The following ZNF536 variants were observed in gnomAD, a reference collection of about 807,000 sequenced individuals.
ZNF536 encodes the protein zinc finger protein 536.
A neutral mutation model predicts 84.5 loss-of-function variants in ZNF536; 13 were observed. The observed-to-expected ratio is 0.15, with a 90% CI of 0.10 to 0.24. The LOEUF (loss-of-function observed/expected upper bound fraction) is 0.24. ZNF536 is among the 10% of genes least tolerant of loss of function. The probability of loss-of-function intolerance (pLI) is 1.00; values close to 1 mark genes in which losing one functional copy is unlikely to be tolerated. For synonymous variants in ZNF536, 811 were observed against 742.5 expected, an observed-to-expected ratio of 1.09 and a Z score of -1.50; for missense variants, 1,536 against 1,747.5, an observed-to-expected ratio of 0.88 and a Z score of 2.16.
intron 1 of ZNF536, among the ~76,000 whole-genome samples, chr19:30,635,540 C>G (rs2049036059): frequency 6.6e-6 from 1 of 152,164 alleles, no homozygotes; most frequent in East Asian, 1.9e-4. Flanking sequence ...CCCAGGCACT[C>G]TGGCCAGGAG....
chr19:30,322,555 C>T (rs1266569563), intron 2 of ZNF536, among the ~76,000 whole-genome samples: 1 of 152,182 alleles, frequency 6.6e-6, no homozygotes, highest in Non-Finnish European at 1.5e-5. Context: ...CCCTTTAAAT[C>T]CTGCCCCCCT....
chr19:30,227,599 C>G (rs2022685629), upstream of ZNF536, among the ~76,000 whole-genome samples: 1 of 152,032 alleles, frequency 6.6e-6, no homozygotes, highest in Non-Finnish European at 1.5e-5. Context: ...GGCTCGGGCA[C>G]CCGGTGCGTC....
At chr19:30,652,967 A>G (rs980313755) in intron 1 of ZNF536, among the ~76,000 whole-genome samples, 3 of 151,980 alleles carry the variant, frequency 2.0e-5, no homozygotes, top group Non-Finnish European at 4.4e-5. Flanking sequence ...TGCTGCATCC[A>G]CTCTCGATGC....
chr19:30,356,779 A>T (rs1322880321), intron 3 of ZNF536, among the ~76,000 whole-genome samples: 1 of 152,190 alleles, frequency 6.6e-6, no homozygotes, highest in Non-Finnish European at 1.5e-5. Flanking sequence ...ATCTCAATTA[A>T]TCCTCCCAAA....
chr19:30,587,362 A>T (rs980502099), intron 1 of ZNF536, among the ~76,000 whole-genome samples: 2 of 152,246 alleles, frequency 1.3e-5, no homozygotes, highest in Non-Finnish European at 2.9e-5. Context: ...AGTTAACAAC[A>T]AATGATAGAA....
intron 1 of ZNF536, among the ~76,000 whole-genome samples, chr19:30,689,566 G>A (rs997304332): frequency 6.6e-6 from 1 of 152,206 alleles, no homozygotes; most frequent in African/African-American, 2.4e-5. Flanking sequence ...CAATGTGATT[G>A]TCAGGAAATG....
At chr19:30,487,739 A>T (rs150129249) in intron 2 of ZNF536, among the ~76,000 whole-genome samples, 3 of 152,330 alleles carry the variant, frequency 2.0e-5, no homozygotes, top group African/African-American at 7.2e-5. Flanking sequence ...TAGCATAATG[A>T]TCACATTCCC....
At position 30,548,726 on chromosome 19, in the gene ZNF536, G is replaced by T. The variant is rs2146214651; in HGVS notation, c.3107G>T (p.Gly1036Val). Residue 1036 changes from glycine (G) to valine (V), a missense_variant, in exon 4 of 5, where the codon GGG (glycine) becomes GTG (valine). This residue lies in a region of ZNF536 where 624 missense variants were observed against 603.1 expected (regional missense o/e 1.03). Transcript: ENST00000355537. ...GKAKRKDNTIGVTVNCKDQAR... is the reference protein window; with the variant it reads ...GKAKRKDNTIVVTVNCKDQAR... ...GCGAAACGCAAAGATAACACCATCG[G>T]GGTCACAGTCAACTGCAAAGACCAA... 6.2e-7 allele frequency: 1 copy of T among 1,613,924 alleles called. No individual in the cohort carries two copies.
chr19:30,700,586 T>C (rs919850228), intron 1 of ZNF536, among the ~76,000 whole-genome samples: 5 of 152,010 alleles, frequency 3.3e-5, no homozygotes, highest in African/African-American at 1.2e-4. Context: ...GAGGGCTTAT[T>C]ATATTGTCCA....
intron 2 of ZNF536, among the ~76,000 whole-genome samples, chr19:30,519,019 A>C (rs1599667152): frequency 6.6e-6 from 1 of 152,328 alleles, no homozygotes; most frequent in East Asian, 1.9e-4. Context: ...GCCCCCAAGA[A>C]CATACATCTG....
chr19:30,237,399 G>A (rs1599840762), intron 1 of ZNF536, among the ~76,000 whole-genome samples: 1 of 152,136 alleles, frequency 6.6e-6, no homozygotes, highest in Non-Finnish European at 1.5e-5. Flanking sequence ...GGAGGCTGGG[G>A]ATGGAGCCCT....
At chr19:30,227,255 G>A (rs2022664275), upstream of ZNF536, among the ~76,000 whole-genome samples, 1 of 152,132 alleles carries the variant, frequency 6.6e-6, no homozygotes, top group Non-Finnish European at 1.5e-5. Context: ...GGGACAGGTG[G>A]AAAGTTAAGT....
intron 2 of ZNF536, among the ~76,000 whole-genome samples, chr19:30,486,792 C>A (rs1171505675): frequency 6.6e-6 from 1 of 152,102 alleles, no homozygotes; most frequent in Admixed American, 6.5e-5. Flanking sequence ...CATGTATTTT[C>A]TATAATAACT....
chr19:30,274,307 A>G (rs2026009302), intron 1 of ZNF536, among the ~76,000 whole-genome samples: 1 of 152,266 alleles, frequency 6.6e-6, no homozygotes, highest in African/African-American at 2.4e-5. Flanking sequence ...TCTGCACTGC[A>G]CAATAGAAAT....
At chr19:30,407,398 G>A (rs560641337) in intron 1 of ZNF536, among the ~76,000 whole-genome samples, 5 of 152,116 alleles carry the variant, frequency 3.3e-5, no homozygotes, top group African/African-American at 1.2e-4. Context: ...GTGACCAAAT[G>A]TCAGGGTGGG....
At position 30,469,236 on chromosome 19, in the gene ZNF536, A is replaced by G. The variant is rs373749377; in HGVS notation, c.2170+23504A>G. On this transcript the variant is annotated intron_variant, in intron 2 of 4. Coordinates refer to ENST00000355537, the MANE Select transcript of ZNF536 (RefSeq NM_014717.3). The stretch of plus-strand genomic sequence containing the variant: ...GAGACCATCCTGGCTAACATGGTGA[A>G]ACCCCATCTCTACTAAAAGCACAAA... Among the ~76,000 whole-genome samples the G allele has an allele frequency of 9.9e-5, 15 of 152,256 alleles. No homozygotes were observed. In the East Asian group the frequency reaches 2.3e-3, roughly 24 times the overall value.
chr19:30,612,134 C>T (rs1045379676), intron 1 of ZNF536, among the ~76,000 whole-genome samples: 54 of 152,028 alleles, frequency 3.6e-4, no homozygotes, highest in African/African-American at 1.1e-3. Context: ...TTGGTGCTCC[C>T]GAAAGAAACA....
chr19:30,277,390 C>T (rs748140620), intron 1 of ZNF536, among the ~76,000 whole-genome samples: 4 of 152,020 alleles, frequency 2.6e-5, no homozygotes, highest in Admixed American at 1.3e-4. Context: ...GAGCCTGGTC[C>T]GATATTGTAG....
intron 1 of ZNF536, among the ~76,000 whole-genome samples, chr19:30,580,245 C>T (rs1376982898): frequency 3.9e-5 from 6 of 152,342 alleles, no homozygotes; most frequent in African/African-American, 1.4e-4. Context: ...CTGCTGTACC[C>T]TACTCGGAGT....
Sources: allele counts gnomAD v4.1 joint callset (sites outside exome capture counted in the v4.1 genomes callset), GRCh38; gene constraint gnomAD v4.1.1; regional missense constraint gnomAD v4.1.1; transcripts MANE v1.5; gene names NCBI Gene and HGNC (gene_info 2026-07-23, HGNC 2026-07-21).